LRRC8A: variants seen among roughly 807,000 people sequenced by gnomAD.
The protein encoded by LRRC8A is leucine rich repeat containing 8 VRAC subunit A.
A neutral mutation model predicts 52.5 loss-of-function variants in LRRC8A; 24 were observed. The ratio of observed to expected loss-of-function variants is 0.46; its 90% CI spans 0.33 to 0.64. LRRC8A has a LOEUF of 0.64. Among genes scored for constraint, LRRC8A ranks in the 30% least tolerant of loss-of-function variants. The pLI, the probability that LRRC8A is intolerant of heterozygous loss-of-function variation, is 0.02. For synonymous variants in LRRC8A, 492 were observed against 494.2 expected, an observed-to-expected ratio of 1.00 and a Z score of 0.06; for missense variants, 677 against 1,094.7, an observed-to-expected ratio of 0.62 and a Z score of 5.38.
intron 2 of LRRC8A, among the ~76,000 whole-genome samples, chr9:128,887,018 A>C (rs1839424808): frequency 6.6e-6 from 1 of 152,190 alleles, no homozygotes; most frequent in Non-Finnish European, 1.5e-5. Context: ...GTCTGCCCTG[A>C]GGCCTTCCTG....
Position 128,898,284 on chromosome 9 carries a change from G to A in LRRC8A, c.-8-8873G>A, listed in dbSNP as rs1211825120. On this transcript the variant is annotated intron_variant, in intron 2 of 3. Coordinates refer to ENST00000372600, the MANE Select transcript of LRRC8A (RefSeq NM_019594.4). ...CGCCCAGGCTGGAGGGCAGTGGTGC[G>A]ATCTTAGCTCACTGCAACCTCCACC... is the stretch of plus-strand genomic sequence containing the variant. Among the ~76,000 whole-genome samples the A allele has an allele frequency of 2.6e-5, 4 of 152,048 alleles. No individual in the cohort carries two copies. The East Asian group carries it at 5.8e-4, about 22-fold the overall frequency.
At chr9:128,887,070 G>C (rs1267267370) in intron 2 of LRRC8A, among the ~76,000 whole-genome samples, 1 of 152,116 alleles carries the variant, frequency 6.6e-6, no homozygotes, top group Non-Finnish European at 1.5e-5. Flanking sequence ...AGGAAGGCCT[G>C]AGTCTCCCAG....
intron 3 of LRRC8A, among the ~76,000 whole-genome samples, chr9:128,909,663 C>T (rs1427339997): frequency 6.6e-6 from 1 of 152,218 alleles, no homozygotes; most frequent in African/African-American, 2.4e-5. Flanking sequence ...TGTGCTTGGG[C>T]AGGAGGTCCA....
chr9:128,909,179 A>G lies in LRRC8A; in HGVS notation c.2015A>G (p.Asn672Ser). ...TNLERLYLNR[N>S]KIEKIPTQLF... ...CTGGAGCGCCTCTACCTGAACCGCA[A>G]CAAGATCGAGAAGATCCCCACCCAG... Residue 672 changes from asparagine (N) to serine (S), a missense_variant, in exon 3 of 4, where the codon AAC (asparagine) becomes AGC (serine). By Grantham distance (46) the Asn-to-Ser change is conservative (BLOSUM62 1). Transcript: ENST00000372600. 1.2e-6 allele frequency: 2 copies of G among 1,614,142 alleles called. No homozygotes were observed. The highest frequency in any genetic ancestry group is 1.7e-6 in the Non-Finnish European group (2 of 1,180,034).
Position 128,908,847 on chromosome 9 carries a change from G to T in LRRC8A, c.1683G>T (p.Val561=). The change falls in exon 3 of 4, where the codon GTG becomes GTT. Residue 561 remains valine (V), a synonymous_variant. Coordinates refer to ENST00000372600, the MANE Select transcript of LRRC8A (RefSeq NM_019594.4). ...LKSNLSKLPQ[V]VTDVGVHLQK... is the part of the protein sequence containing the mutation. ...GCAACCTAAGCAAGCTGCCACAGGT[G>T]GTCACAGATGTGGGCGTGCACCTGC... The T allele has an allele frequency of 6.2e-7, 1 of 1,613,754 alleles. No individual in the cohort carries two copies.
In LRRC8A at chr9:128,916,523, G is replaced by C. The variant is rs1840829432; in HGVS notation, c.*152G>C. The C allele has an allele frequency of 3.2e-6, 3 of 951,940 alleles. No individual in the cohort carries two copies. The highest frequency in any genetic ancestry group is 3.5e-5 in the South Asian group (2 of 57,526). 59.0% of individuals were successfully genotyped at this position (951,940 alleles called of 1,614,324 possible). A position where few individuals can be genotyped will look rare whatever the true frequency, so the allele number is the denominator to read the frequency against. ...GGCCGCTTGTGAGTCAGGCCAGAGC[G>C]AGAGGACAGTATCTGTGGGGCTGGC... On this transcript the variant is annotated 3_prime_UTR_variant, in exon 4 of 4. Coordinates refer to ENST00000372600, the MANE Select transcript of LRRC8A (RefSeq NM_019594.4). The surrounding 1 kb of genome is among the most constrained non-coding windows in gnomAD (Gnocchi z 6.1).
At chr9:128,901,945 A>G (rs1840043676) in intron 2 of LRRC8A, among the ~76,000 whole-genome samples, 1 of 152,234 alleles carries the variant, frequency 6.6e-6, no homozygotes, top group African/African-American at 2.4e-5. Flanking sequence ...AGAGAGGGGC[A>G]GTGACTTTTC....
chr9:128,886,867 C>G (rs569816522), intron 2 of LRRC8A, among the ~76,000 whole-genome samples: 17 of 152,278 alleles, frequency 1.1e-4, no homozygotes, highest in African/African-American at 4.1e-4. Context: ...GATGCTTAGG[C>G]AGTGGCCATT....
intron 2 of LRRC8A, among the ~76,000 whole-genome samples, chr9:128,886,632 C>T (rs1839408161): frequency 2.0e-5 from 3 of 152,316 alleles, no homozygotes; most frequent in African/African-American, 4.8e-5. Context: ...ATCGTGTAGA[C>T]ATCTTTGGGG....
At chr9:128,883,491 A>T (rs1394888622) in intron 1 of LRRC8A, among the ~76,000 whole-genome samples, 1 of 152,206 alleles carries the variant, frequency 6.6e-6, no homozygotes, top group African/African-American at 2.4e-5. Context: ...TGTTGCTTCC[A>T]TGAAGGTCAA....
intron 1 of LRRC8A, among the ~76,000 whole-genome samples, chr9:128,883,489 C>T (rs773787311): frequency 6.6e-6 from 1 of 152,194 alleles, no homozygotes; most frequent in African/African-American, 2.4e-5. Flanking sequence ...GGTGTTGCTT[C>T]CATGAAGGTC....
chr9:128,900,488 C>T (rs140747976), intron 2 of LRRC8A, among the ~76,000 whole-genome samples: 63 of 151,868 alleles, frequency 4.1e-4, no homozygotes, highest in African/African-American at 1.2e-3. Flanking sequence ...GTGGGCAGAT[C>T]GCTTGAGGTC....
Position 128,907,785 on chromosome 9 carries a change from C to T in LRRC8A, c.621C>T (p.Ala207=), listed in dbSNP as rs1452849484. The part of the protein sequence containing the change: ...KSSTVSEDVE[A]TVPMLQRTKS... Reference sequence around the variant, plus strand: ...CGACCGTCAGTGAGGACGTGGAGGCCACCGTGCCCATGCTGCAGCGGACCA... The same window carrying T: ...CGACCGTCAGTGAGGACGTGGAGGCTACCGTGCCCATGCTGCAGCGGACCA... The change falls in exon 3 of 4, where the codon GCC becomes GCT. Residue 207 remains alanine (A), a synonymous_variant. Transcript: ENST00000372600. The surrounding 1 kb of genome is among the most constrained non-coding windows in gnomAD (Gnocchi z 9.3). 1 of 1,613,980 alleles carries T rather than the reference C, an allele frequency of 6.2e-7. No homozygotes were observed.
intron 2 of LRRC8A, among the ~76,000 whole-genome samples, chr9:128,887,036 C>T (rs1164477480): frequency 6.6e-6 from 1 of 152,294 alleles, no homozygotes; most frequent in East Asian, 1.9e-4. Flanking sequence ...CTGCCTTTAT[C>T]TCTCACCTCA....
chr9:128,912,767 C>A (rs1840613325), intron 3 of LRRC8A: 1 of 152,338 alleles, frequency 6.6e-6, no homozygotes. Context: ...TGTTAAGAGA[C>A]CACGATTAGC....
At chr9:128,910,228 G>C (rs928919156) in intron 3 of LRRC8A, among the ~76,000 whole-genome samples, 1 of 152,228 alleles carries the variant, frequency 6.6e-6, no homozygotes, top group African/African-American at 2.4e-5. Context: ...CTCACATCCA[G>C]GTGGAGATTC....
chr9:128,887,893 T>C (rs566370193), intron 2 of LRRC8A, among the ~76,000 whole-genome samples: 2 of 152,162 alleles, frequency 1.3e-5, no homozygotes, highest in African/African-American at 4.8e-5. Flanking sequence ...TCCGCCGCCT[T>C]GGCCTCCCAA....
At position 128,892,643 on chromosome 9, in the gene LRRC8A, G is replaced by T. The variant is rs1166766463; in HGVS notation, c.-9+6522G>T. Among the ~76,000 whole-genome samples the T allele has an allele frequency of 1.3e-5, 2 of 152,206 alleles. No homozygotes were observed. Among genetic ancestry groups the T allele is most frequent in the Admixed American group, 1.3e-4 (2 of 15,288 alleles). ...CAGGGCAGTGTCCGCCCTGGGGAGG[G>T]TGGAGGCTGTGTGTGCCAGACGAGG... On this transcript the variant is annotated intron_variant, in intron 2 of 3. Transcript: ENST00000372600. The surrounding 1 kb of genome is among the most constrained non-coding windows in gnomAD (Gnocchi z 5.2).
rs746343617 is a variant in LRRC8A, at chr9:128,908,787, G to A, written c.1623G>A (p.Arg541=). 2 of 1,613,414 alleles carry A rather than the reference G, an allele frequency of 1.2e-6. No individual in the cohort carries two copies. The highest frequency in any genetic ancestry group is 2.2e-5 in the East Asian group (1 of 44,892). ...NNRYIVIDGL[R]ELKRLKVLRL... is the part of the protein sequence containing the mutation. Reference sequence around the variant, plus strand: ...GCTACATCGTCATCGACGGGCTGCGGGAGCTCAAACGCCTCAAGGTGCTGC... The same window carrying A: ...GCTACATCGTCATCGACGGGCTGCGAGAGCTCAAACGCCTCAAGGTGCTGC... Residue 541 remains arginine (R), a synonymous_variant, in exon 3 of 4, where the codon CGG becomes CGA. Transcript: ENST00000372600.
Sources: gnomAD v4.1 joint callset for allele counts (sites outside exome capture counted in the v4.1 genomes callset) on GRCh38, gnomAD v4.1.1 for gene constraint, Gnocchi (gnomAD v3.1) non-coding constraint, MANE v1.5 for transcripts, NCBI Gene and HGNC (gene_info 2026-07-23, HGNC 2026-07-21) for gene names.